Variants in CYB5R3 observed in about 807,000 individuals in gnomAD.
The protein encoded by CYB5R3 is NADH-cytochrome b5 reductase 3.
A neutral mutation model predicts 36.5 loss-of-function variants in CYB5R3; 28 were observed. The observed-to-expected ratio is 0.77, with a 90% CI of 0.57 to 1.05. The LOEUF is 1.05. Ranked by LOEUF, CYB5R3 falls within the 50% of genes least tolerant of loss-of-function variation. CYB5R3 has a pLI of 0.00. For missense variants in CYB5R3, 474 were observed against 408.9 expected (o/e 1.16, Z -1.37); for synonymous variants, 181 against 159.8 (o/e 1.13, Z -1.00).
At chr22:42,631,321 T>G in intron 3 of CYB5R3, 57 bp downstream of exon 3, 1 of 1,479,764 alleles carries the variant, frequency 6.8e-7, no homozygotes, top group Non-Finnish European at 9.2e-7. Flanking sequence ...ATCTCTCTGA[T>G]CTAGTGCCCC....
At chr22:42,641,705 C>T (rs1929282653) in intron 1 of CYB5R3, among the ~76,000 whole-genome samples, 1 of 152,144 alleles carries the variant, frequency 6.6e-6, no homozygotes, top group Non-Finnish European at 1.5e-5. Context: ...AGGCTGGTCT[C>T]GAACTTCTGA....
intron 8 of CYB5R3, 30 bp from the exon 9 acceptor site, chr22:42,619,975 G>A (rs1219706582): frequency 1.0e-5 from 16 of 1,566,950 alleles, no homozygotes; most frequent in Middle Eastern, 1.7e-4. Context: ...GTAAGCTGAC[G>A]TGTGGCTGTG....
intron 1 of CYB5R3, chr22:42,646,623 G>C (rs1396720670): frequency 8.2e-5 from 81 of 984,254 alleles, no homozygotes; most frequent in Non-Finnish European, 9.5e-5. Context: ...AGACAAGCCA[G>C]TCGGGTGACT....
intron 4 of CYB5R3, among the ~76,000 whole-genome samples, chr22:42,630,675 G>A (rs1928559717): frequency 6.6e-6 from 1 of 152,194 alleles, no homozygotes; most frequent in African/African-American, 2.4e-5. Context: ...CTGGGTCTTT[G>A]GAGTCCGGGC....
At chr22:42,623,939 C>A in intron 7 of CYB5R3, 51 bp from the exon 8 acceptor site, 1 of 1,496,540 alleles carries the variant, frequency 6.7e-7, no homozygotes, top group South Asian at 1.1e-5. Flanking sequence ...CAGACTGCCC[C>A]TGGAGACACT....
chr22:42,646,767 C>T, intron 1 of CYB5R3: 2 of 986,500 alleles, frequency 2.0e-6, no homozygotes, highest in Non-Finnish European at 2.4e-6. Context: ...TCTGGCTTGG[C>T]TGGGAACTGT....
intron 1 of CYB5R3, among the ~76,000 whole-genome samples, chr22:42,642,015 T>C (rs981075729): frequency 6.6e-6 from 1 of 152,208 alleles, no homozygotes; most frequent in African/African-American, 2.4e-5. Flanking sequence ...TAGTATCTAA[T>C]ATATTTAACA....
At position 42,648,754 on chromosome 22, in the gene CYB5R3, C is replaced by A. The variant is rs1043854234; in HGVS notation, c.21+541G>T. On this transcript the variant is annotated intron_variant, in intron 1 of 8. Coordinates refer to ENST00000352397, the MANE Select transcript of CYB5R3 (RefSeq NM_000398.7). ...CCGGGTTCTGTTCCTTGTTGCTAAA[C>A]GTGCAAAACCCTCTGACATAGTGAC... Among the ~76,000 whole-genome samples the A allele has an allele frequency of 3.1e-4, 47 of 152,082 alleles. 2 individuals carry two copies. Among genetic ancestry groups the A allele is most frequent in the Non-Finnish European group, 4.4e-5 (3 of 68,000 alleles).
At chr22:42,627,550 C>T in intron 6 of CYB5R3, 55 bp downstream of exon 6, 3 of 1,557,454 alleles carry the variant, frequency 1.9e-6, no homozygotes, top group South Asian at 2.2e-5. Flanking sequence ...CACCCACACC[C>T]CAACCCCACC....
intron 8 of CYB5R3, among the ~76,000 whole-genome samples, chr22:42,621,037 G>A (rs567483825): frequency 3.3e-5 from 5 of 152,322 alleles, no homozygotes; most frequent in Admixed American, 6.5e-5. Flanking sequence ...GGAACAAGGC[G>A]AGGCACAGAA....
Position 42,644,283 on chromosome 22 carries a change from C to G in CYB5R3, c.21+5012G>C, listed in dbSNP as rs551263298. 42 of 657,748 alleles carry G rather than the reference C, an allele frequency of 6.4e-5. 1 individual carries two copies. The South Asian group carries it at 6.7e-4, about 10-fold the overall frequency. The allele number at this position is 657,748 out of a possible 1,614,324, so 40.7% of individuals were successfully genotyped here. A position where few individuals can be genotyped will look rare whatever the true frequency, so the allele number is the denominator to read the frequency against. ...GAGGCCTGAGCACCTGCCCCCAGCC[C>G]CGGGGGTCCGAACCAACAGGCGGCT... On this transcript the variant is annotated intron_variant, in intron 1 of 8. Transcript: ENST00000352397.
chr22:42,620,344 C>A (rs113819645), intron 8 of CYB5R3, among the ~76,000 whole-genome samples: 63 of 152,232 alleles, frequency 4.1e-4, no homozygotes, highest in Admixed American at 2.0e-4. Flanking sequence ...AGGGACACGA[C>A]TGAGATGTAC....
At chr22:42,647,881 A>T (rs2062511142) in intron 1 of CYB5R3, among the ~76,000 whole-genome samples, 1 of 150,756 alleles carries the variant, frequency 6.6e-6, no homozygotes, top group Non-Finnish European at 1.5e-5. Context: ...AAAAAAGAAA[A>T]AAGAAATGTA....
chr22:42,630,293 C>T (rs1032796311), intron 4 of CYB5R3, among the ~76,000 whole-genome samples: 5 of 152,136 alleles, frequency 3.3e-5, no homozygotes, highest in Non-Finnish European at 5.9e-5. Context: ...CAACACCACA[C>T]GAGCCCCTCA....
intron 7 of CYB5R3, 111 bp from the exon 8 acceptor site, chr22:42,623,999 C>T (rs990467512): frequency 1.5e-5 from 14 of 927,536 alleles, no homozygotes; most frequent in Middle Eastern, 4.7e-4. Flanking sequence ...CACACGCTTG[C>T]GGAGCTTTCA....
intron 2 of CYB5R3, among the ~76,000 whole-genome samples, chr22:42,635,054 C>T (rs1601941527): frequency 3.3e-5 from 5 of 151,716 alleles, no homozygotes; most frequent in African/African-American, 9.7e-5. Flanking sequence ...ACTGCAAGCT[C>T]CGCCTCCCAG....
intron 2 of CYB5R3, among the ~76,000 whole-genome samples, chr22:42,634,590 G>C (rs1341994902): frequency 6.6e-6 from 1 of 151,454 alleles, no homozygotes; most frequent in Non-Finnish European, 1.5e-5. Flanking sequence ...GGGATTACAG[G>C]CATCTGCCAC....
chr22:42,643,885 G>A (rs1929409923), intron 1 of CYB5R3, among the ~76,000 whole-genome samples: 1 of 152,060 alleles, frequency 6.6e-6, no homozygotes, highest in Admixed American at 6.5e-5. Flanking sequence ...AGCGGTCAGC[G>A]CCCCTGAGCT....
chr22:42,635,940 C>A (rs944362729), intron 2 of CYB5R3, among the ~76,000 whole-genome samples: 1 of 152,220 alleles, frequency 6.6e-6, no homozygotes. Flanking sequence ...TCAGGCCGGG[C>A]ACCACGGCTC....
Sources: gnomAD v4.1 joint callset for allele counts (sites outside exome capture counted in the v4.1 genomes callset) on GRCh38, gnomAD v4.1.1 for gene constraint, MANE v1.5 for transcripts, NCBI Gene and HGNC (gene_info 2026-07-23, HGNC 2026-07-21) for gene names.